The following CDKN2B-AS1 variants were observed in gnomAD, a reference collection of about 807,000 sequenced individuals.
The protein encoded by CDKN2B-AS1 is CDKN2B and CDKN2A antisense cis and trans regulatory RNA 1.
At chr9:22,048,486 A>C (rs1823202317) in intron 2 of CDKN2B-AS1, among the ~76,000 whole-genome samples, 1 of 152,150 alleles carries the variant, frequency 6.6e-6, no homozygotes, top group African/African-American at 2.4e-5. Flanking sequence ...AGAGGTCTCC[A>C]CTGGATTTTT....
intron 4 of CDKN2B-AS1, among the ~76,000 whole-genome samples, chr9:22,083,178 A>T (rs1264012642): frequency 3.9e-5 from 6 of 152,216 alleles, no homozygotes; most frequent in Admixed American, 2.0e-4. Context: ...CTCATGAGAA[A>T]ATTGCATCAT....
intron 4 of CDKN2B-AS1, among the ~76,000 whole-genome samples, chr9:22,126,654 A>G (rs536191718): frequency 2.0e-4 from 29 of 146,816 alleles, no homozygotes; most frequent in Admixed American, 8.8e-4. Flanking sequence ...CTCACTGCAA[A>G]CTCCGCCTCC....
chr9:22,045,038 T>TGTGTGTG (rs58026190), intron 1 of CDKN2B-AS1, among the ~76,000 whole-genome samples: 1,535 of 141,896 alleles, frequency 0.011, 26 homozygotes, highest in African/African-American at 0.039. Flanking sequence ...TATTATTTAT[T>TGTGTGTG]TGTGTGTGTG....
At chr9:22,011,370 T>G (rs1821500740) in intron 1 of CDKN2B-AS1, among the ~76,000 whole-genome samples, 1 of 152,246 alleles carries the variant, frequency 6.6e-6, no homozygotes, top group South Asian at 2.1e-4. Context: ...AAACTTATTG[T>G]GTACTCTGTA....
chr9:22,006,739 C>CT lies in CDKN2B-AS1; in HGVS notation n.29+11579dup, dbSNP rs1821208723. On this transcript the variant is annotated intron_variant and non_coding_transcript_variant, in intron 1 of 4. Coordinates refer to ENST00000650946, the Ensembl canonical transcript of CDKN2B-AS1. The surrounding 1 kb of genome is among the most constrained non-coding windows in gnomAD (Gnocchi z 6.4). The stretch of plus-strand genomic sequence containing the variant: ...ATGGTTTAGGGGAGAAAATAAACAA[C>CT]TAAGTTTTTTTCTTTCTTTTTTTTT... Among the ~76,000 whole-genome samples the CT allele has an allele frequency of 2.0e-5, 3 of 151,926 alleles. No homozygotes were observed. Among genetic ancestry groups the CT allele is most frequent in the Non-Finnish European group, 4.4e-5 (3 of 67,990 alleles).
At chr9:22,020,299 AT>A (rs1385451809) in intron 1 of CDKN2B-AS1, among the ~76,000 whole-genome samples, 1 of 151,914 alleles carries the variant, frequency 6.6e-6, no homozygotes, top group Non-Finnish European at 1.5e-5. Context: ...TGTTGATTCA[AT>A]TTTTTTTGGC....
At chr9:22,029,915 C>T (rs1246241431) in intron 1 of CDKN2B-AS1, 3 of 158,710 alleles carry the variant, frequency 1.9e-5, no homozygotes, top group East Asian at 3.7e-4. Flanking sequence ...GGGACTATTT[C>T]ACTCTCTGTA....
intron 1 of CDKN2B-AS1, among the ~76,000 whole-genome samples, chr9:22,040,402 A>G (rs899181045): frequency 6.6e-6 from 1 of 152,046 alleles, no homozygotes; most frequent in East Asian, 1.9e-4. Context: ...ACTCCAAAAC[A>G]TCATTACTCT....
rs774955959 is a variant in CDKN2B-AS1, at chr9:22,023,972, G to A, written n.30-22779G>A. On this transcript the variant is annotated intron_variant and non_coding_transcript_variant, in intron 1 of 4. Coordinates refer to ENST00000650946, the Ensembl canonical transcript of CDKN2B-AS1. Reference sequence around the variant, plus strand: ...TCTCAGCCTCAGCCTGGTACTGAACGCTTGCCAGAGAGGTGATGTGGTCCT... The same window carrying A: ...TCTCAGCCTCAGCCTGGTACTGAACACTTGCCAGAGAGGTGATGTGGTCCT... Among the ~76,000 whole-genome samples, 51 of 152,124 alleles carry A rather than the reference G, an allele frequency of 3.4e-4. 1 individual carries two copies. The highest frequency in any genetic ancestry group is 8.8e-5 in the Non-Finnish European group (6 of 68,032).
intron 4 of CDKN2B-AS1, among the ~76,000 whole-genome samples, chr9:22,080,436 G>C (rs756570128): frequency 5.9e-5 from 9 of 152,240 alleles, no homozygotes; most frequent in Non-Finnish European, 1.3e-4. Flanking sequence ...GTGAGCTTGT[G>C]ACCTAGCTAC....
rs60332557 is a variant in CDKN2B-AS1 at position 22,070,419 on chromosome 9, A to C, written n.438+14032A>C. ...CTTGGAAAGGACATGTAAACAATGA[A>C]TATAAAGTGACACATAGTCCAGTCA... On this transcript the variant is annotated intron_variant and non_coding_transcript_variant, in intron 4 of 4. Transcript: ENST00000650946. Among the ~76,000 whole-genome samples, 279 of 152,364 alleles carry C rather than the reference A, an allele frequency of 1.8e-3. 1 individual carries two copies. The highest frequency in any genetic ancestry group is 6.3e-3 in the African/African-American group (262 of 41,580).
chr9:22,063,002 G>T (rs66469684), intron 4 of CDKN2B-AS1, among the ~76,000 whole-genome samples: 95,072 of 133,332 alleles, frequency 0.71, 32,434 homozygotes, highest in Admixed American at 0.81. Flanking sequence ...TATATATAGA[G>T]AGAGAGAGAG....
At chr9:22,055,636 T>A (rs1243418110) in intron 3 of CDKN2B-AS1, among the ~76,000 whole-genome samples, 2 of 152,194 alleles carry the variant, frequency 1.3e-5, no homozygotes, top group Non-Finnish European at 2.9e-5. Context: ...TTTTCACTAT[T>A]TTTTATAGAG....
At chr9:22,035,457 C>T (rs552891834) in intron 1 of CDKN2B-AS1, among the ~76,000 whole-genome samples, 14 of 152,080 alleles carry the variant, frequency 9.2e-5, no homozygotes, top group South Asian at 6.2e-4. Context: ...TGTTGATTGG[C>T]GTCAAACATG....
At chr9:22,087,125 T>G (rs1243969196) in intron 4 of CDKN2B-AS1, among the ~76,000 whole-genome samples, 1 of 152,226 alleles carries the variant, frequency 6.6e-6, no homozygotes, top group East Asian at 1.9e-4. Context: ...CCCCTTTTTC[T>G]TGGAAATGTT....
At chr9:22,013,412 G>T (rs10811640) in intron 1 of CDKN2B-AS1, among the ~76,000 whole-genome samples, 84,864 of 151,934 alleles carry the variant, frequency 0.56, 24,753 homozygotes, top group African/African-American at 0.69. Flanking sequence ...TATTGAAATT[G>T]GTTGAAATTG....
chr9:22,051,747 C>G (rs569836595), intron 3 of CDKN2B-AS1, among the ~76,000 whole-genome samples: 24 of 152,238 alleles, frequency 1.6e-4, no homozygotes, highest in Admixed American at 1.3e-3. Flanking sequence ...TCATAAAATG[C>G]ATCCTTTATA....
chr9:22,031,914 C>A (rs928987291), intron 1 of CDKN2B-AS1, among the ~76,000 whole-genome samples: 5 of 152,186 alleles, frequency 3.3e-5, no homozygotes, highest in African/African-American at 2.4e-5. Context: ...ATGGCAGGGA[C>A]CTGAGGGCAG....
chr9:22,085,993 C>G (rs775720276), intron 4 of CDKN2B-AS1, among the ~76,000 whole-genome samples: 1 of 151,984 alleles, frequency 6.6e-6, no homozygotes, highest in Non-Finnish European at 1.5e-5. Context: ...GATAGTTCAA[C>G]AGAAAGAAGA....
Sources: gnomAD v4.1 joint callset for allele counts (sites outside exome capture counted in the v4.1 genomes callset) on GRCh38, gnomAD v4.1.1 for gene constraint, Gnocchi (gnomAD v3.1) non-coding constraint, MANE v1.5 for transcripts, NCBI Gene and HGNC (gene_info 2026-07-23, HGNC 2026-07-21) for gene names.